The following KDM4C variants were observed in gnomAD, a reference collection of about 807,000 sequenced individuals.
The protein encoded by KDM4C is lysine-specific demethylase 4C.
In KDM4C, 81 loss-of-function variants were observed where a neutral mutation model predicts 129.3. The ratio of observed to expected loss-of-function variants is 0.63; its 90% CI spans 0.52 to 0.75. KDM4C has a LOEUF of 0.75. KDM4C is among the 30% of genes least tolerant of loss of function. The pLI, the probability that KDM4C is intolerant of heterozygous loss-of-function variation, is 0.00. For missense variants in KDM4C, 1,457 were observed against 1,304.0 expected (o/e 1.12, Z -1.81); for synonymous variants, 573 against 456.1 (o/e 1.26, Z -3.26).
chr9:6,771,119 G>C (rs1821752329), intron 1 of KDM4C, among the ~76,000 whole-genome samples: 1 of 114,444 alleles, frequency 8.7e-6, no homozygotes, highest in Non-Finnish European at 1.7e-5. Context: ...TAAGAGATGA[G>C]GTCTCTCCAA....
At chr9:6,888,104 G>T (rs772915987) in intron 7 of KDM4C, 41 bp downstream of exon 7, 34 of 1,071,318 alleles carry the variant, frequency 3.2e-5, no homozygotes, top group Non-Finnish European at 4.1e-5. Flanking sequence ...TTTTGTTTGT[G>T]TAGGATTTGT....
At chr9:6,906,112 A>G (rs1818263738) in intron 8 of KDM4C, among the ~76,000 whole-genome samples, 1 of 152,172 alleles carries the variant, frequency 6.6e-6, no homozygotes, top group Non-Finnish European at 1.5e-5. Flanking sequence ...ATACAGACAT[A>G]GAATTTCAAA....
chr9:6,744,496 G>T (rs1019320600), intron 1 of KDM4C, among the ~76,000 whole-genome samples: 20 of 152,230 alleles, frequency 1.3e-4, no homozygotes, highest in African/African-American at 4.6e-4. Context: ...CTGCCCTCCA[G>T]TGTGGCGACA....
At chr9:6,866,946 T>G (rs1402189665) in intron 5 of KDM4C, among the ~76,000 whole-genome samples, 1 of 146,312 alleles carries the variant, frequency 6.8e-6, no homozygotes, top group Admixed American at 7.0e-5. Flanking sequence ...TAAAAATGTA[T>G]ATATGTGTAT....
chr9:6,971,770 C>T (rs1027390758), intron 8 of KDM4C, among the ~76,000 whole-genome samples: 1 of 152,130 alleles, frequency 6.6e-6, no homozygotes, highest in East Asian at 1.9e-4. Context: ...AAGGGTTCTA[C>T]ACAATGATCA....
chr9:7,016,009 T>C (rs1823593859), intron 15 of KDM4C, 80 bp downstream of exon 15: 8 of 990,366 alleles, frequency 8.1e-6, no homozygotes, highest in Non-Finnish European at 1.1e-5. Context: ...AGGGAAAAGA[T>C]AAGATTGCTC....
chr9:6,791,058 C>A (rs1008316367), intron 1 of KDM4C, among the ~76,000 whole-genome samples: 2 of 152,150 alleles, frequency 1.3e-5, no homozygotes, highest in African/African-American at 4.8e-5. Flanking sequence ...AACTCCCATA[C>A]CTTCTTATAA....
chr9:6,768,681 A>C (rs193114528), intron 1 of KDM4C, among the ~76,000 whole-genome samples: 8 of 152,218 alleles, frequency 5.3e-5, no homozygotes, highest in African/African-American at 1.7e-4. Context: ...CTTCAATCTC[A>C]AATATGGATT....
chr9:7,144,774 C>CA (rs1260649560), intron 19 of KDM4C, among the ~76,000 whole-genome samples: 1 of 152,264 alleles, frequency 6.6e-6, no homozygotes, highest in African/African-American at 2.4e-5. Context: ...TTCATGTGGA[C>CA]ACAGCCTCCA....
At chr9:6,750,236 C>T (rs770297714) in intron 1 of KDM4C, among the ~76,000 whole-genome samples, 3 of 151,688 alleles carry the variant, frequency 2.0e-5, no homozygotes, top group Non-Finnish European at 2.9e-5. Flanking sequence ...GTCAGGAGTT[C>T]GAGACCAGCC....
At chr9:6,798,769 G>GGGGT (rs1828267870) in intron 2 of KDM4C, among the ~76,000 whole-genome samples, 2 of 152,172 alleles carry the variant, frequency 1.3e-5, no homozygotes, top group African/African-American at 2.4e-5. Flanking sequence ...CCTCCCAGAC[G>GGGGT]GGGTGGTGGC....
At chr9:6,955,233 T>C (rs1563879172) in intron 8 of KDM4C, among the ~76,000 whole-genome samples, 1 of 152,204 alleles carries the variant, frequency 6.6e-6, no homozygotes, top group Non-Finnish European at 1.5e-5. Flanking sequence ...GTTTTAATAG[T>C]ATCAGTTTTT....
intron 8 of KDM4C, among the ~76,000 whole-genome samples, chr9:6,960,350 G>A (rs1030393595): frequency 6.7e-5 from 10 of 148,226 alleles, no homozygotes; most frequent in Admixed American, 6.1e-4. Flanking sequence ...CATAATCATA[G>A]CTCACTGCAG....
In KDM4C at chr9:6,995,892, C is replaced by T. The variant is rs539169822; in HGVS notation, c.1786+5368C>T. ...TTCACTGTGTTAGCCAGGATGGTCT[C>T]GATCTGACCTCGTGATCTGCCCACC... On this transcript the variant is annotated intron_variant, in intron 12 of 21. Transcript: ENST00000381309. 3.0e-3 allele frequency among the ~76,000 whole-genome samples: 400 copies of T among 132,006 alleles called. 1 individual carries two copies. The highest frequency in any genetic ancestry group is 5.2e-3 in the Non-Finnish European group (303 of 58,236). The allele number at this position is 132,006 out of a possible 152,430, so 86.6% of individuals were successfully genotyped here. A position where few individuals can be genotyped will look rare whatever the true frequency, so the allele number is the denominator to read the frequency against.
chr9:6,802,101 G>T (rs1167145390), intron 2 of KDM4C, among the ~76,000 whole-genome samples: 1 of 139,504 alleles, frequency 7.2e-6, no homozygotes, highest in Non-Finnish European at 1.6e-5. Flanking sequence ...GAGAAACTTT[G>T]TCTCAAAAAA....
intron 8 of KDM4C, among the ~76,000 whole-genome samples, chr9:6,945,317 TAACTA>T (rs1432848271): frequency 6.6e-6 from 1 of 152,222 alleles, no homozygotes; most frequent in Non-Finnish European, 1.5e-5. Flanking sequence ...TTGAAACAAT[TAACTA>T]AACCAATTTT....
At chr9:6,861,161 G>C (rs1840853540) in intron 5 of KDM4C, among the ~76,000 whole-genome samples, 1 of 152,018 alleles carries the variant, frequency 6.6e-6, no homozygotes, top group African/African-American at 2.4e-5. Flanking sequence ...CTTTTTTCTT[G>C]TGATTTATAT....
At chr9:7,053,627 A>T (rs919110803) in intron 17 of KDM4C, among the ~76,000 whole-genome samples, 2 of 152,228 alleles carry the variant, frequency 1.3e-5, no homozygotes, top group Non-Finnish European at 2.9e-5. Flanking sequence ...TTCTGTGTCC[A>T]ATTTTAAATA....
chr9:6,728,523 C>T (rs1220242479), intron 1 of KDM4C, among the ~76,000 whole-genome samples: 1 of 149,482 alleles, frequency 6.7e-6, no homozygotes, highest in Non-Finnish European at 1.5e-5. Context: ...AAGCAAGACT[C>T]CTACTCTGAA....
Sources: allele counts gnomAD v4.1 joint callset (sites outside exome capture counted in the v4.1 genomes callset), GRCh38; gene constraint gnomAD v4.1.1; transcripts MANE v1.5; gene names NCBI Gene and HGNC (gene_info 2026-07-23, HGNC 2026-07-21).